LUZP2: variants seen among roughly 807,000 people sequenced by gnomAD.
LUZP2 encodes the protein leucine zipper protein 2.
In LUZP2, 52 loss-of-function variants were observed where a neutral mutation model predicts 51.6. The ratio of observed to expected loss-of-function variants is 1.01; its 90% CI spans 0.81 to 1.27. The LOEUF (loss-of-function observed/expected upper bound fraction) is 1.27. Among genes scored for constraint, LUZP2 ranks in the 50% most tolerant of loss-of-function variants. The pLI, the probability that LUZP2 is intolerant of heterozygous loss-of-function variation, is 0.00. For missense variants in LUZP2, 436 were observed against 395.4 expected (o/e 1.10, Z -0.87); for synonymous variants, 154 against 137.3 (o/e 1.12, Z -0.85).
intron 1 of LUZP2, among the ~76,000 whole-genome samples, chr11:24,584,839 C>T (rs533790855): frequency 2.5e-4 from 38 of 152,096 alleles, no homozygotes; most frequent in Non-Finnish European, 5.3e-4. Flanking sequence ...AATACTTGAT[C>T]CTAACTGGCC....
intron 1 of LUZP2, among the ~76,000 whole-genome samples, chr11:24,664,319 T>C (rs144459220): frequency 1.2e-4 from 19 of 152,198 alleles, no homozygotes; most frequent in African/African-American, 4.3e-4. Flanking sequence ...TAGGGTATCA[T>C]GTGTAAGAAA....
chr11:25,011,217 G>T (rs148436176), intron 9 of LUZP2, among the ~76,000 whole-genome samples: 1 of 152,254 alleles, frequency 6.6e-6, no homozygotes, highest in African/African-American at 2.4e-5. Flanking sequence ...GTTAATGAAT[G>T]AATGATCTGA....
chr11:24,869,274 C>T (rs1851985438), intron 5 of LUZP2, among the ~76,000 whole-genome samples: 3 of 151,966 alleles, frequency 2.0e-5, no homozygotes, highest in Admixed American at 6.6e-5. Flanking sequence ...GATACAGCCT[C>T]GTTTTATTGC....
At chr11:24,904,000 G>A (rs1565085112) in intron 5 of LUZP2, among the ~76,000 whole-genome samples, 1 of 152,008 alleles carries the variant, frequency 6.6e-6, no homozygotes, top group East Asian at 1.9e-4. Context: ...CCAGTAATGG[G>A]GTTGCTGGAT....
intron 1 of LUZP2, among the ~76,000 whole-genome samples, chr11:24,669,543 T>G (rs1856333336): frequency 6.6e-6 from 1 of 152,146 alleles, no homozygotes; most frequent in Admixed American, 6.6e-5. Flanking sequence ...TTTTCTATTT[T>G]TTTTTTCTTC....
intron 8 of LUZP2, among the ~76,000 whole-genome samples, chr11:24,981,619 C>A (rs1387504045): frequency 6.6e-6 from 1 of 151,850 alleles, no homozygotes; most frequent in Non-Finnish European, 1.5e-5. Context: ...TCAAACGCCC[C>A]TGACGCTGTT....
At chr11:25,016,315 C>A (rs1418691477) in intron 9 of LUZP2, among the ~76,000 whole-genome samples, 1 of 151,996 alleles carries the variant, frequency 6.6e-6, no homozygotes, top group Admixed American at 6.6e-5. Flanking sequence ...CAACCTTCCC[C>A]CTTCTGAGTC....
chr11:24,588,742 A>C (rs1403868597), intron 1 of LUZP2, among the ~76,000 whole-genome samples: 1 of 151,998 alleles, frequency 6.6e-6, no homozygotes, highest in Admixed American at 6.6e-5. Context: ...CTTAATAACA[A>C]TTTTACTTTT....
intron 4 of LUZP2, among the ~76,000 whole-genome samples, chr11:24,749,533 G>T (rs748449537): frequency 7.9e-5 from 12 of 152,118 alleles, no homozygotes; most frequent in Non-Finnish European, 1.8e-4. Context: ...CCTCAATGTA[G>T]GCGGCACCAT....
intron 5 of LUZP2, among the ~76,000 whole-genome samples, chr11:24,793,374 G>T (rs1849458462): frequency 2.6e-5 from 4 of 152,120 alleles, no homozygotes; most frequent in Non-Finnish European, 5.9e-5. Flanking sequence ...CACTCTATGG[G>T]TCTTTCCTTC....
chr11:24,794,649 A>T (rs1849501718), intron 5 of LUZP2, among the ~76,000 whole-genome samples: 1 of 152,154 alleles, frequency 6.6e-6, no homozygotes, highest in Non-Finnish European at 1.5e-5. Context: ...ATGATTTTGT[A>T]TGCCATAATT....
In LUZP2 at chr11:24,897,612, CA is replaced by C. The variant is rs1435520592; in HGVS notation, c.397-8378del. Among the ~76,000 whole-genome samples, 12 of 152,194 alleles carry C rather than the reference CA, an allele frequency of 7.9e-5. No individual in the cohort carries two copies. The East Asian group carries it at 2.3e-3, about 29-fold the overall frequency. On this transcript the variant is annotated intron_variant, in intron 5 of 11. Coordinates refer to ENST00000336930, the MANE Select transcript of LUZP2 (RefSeq NM_001009909.4). ...CCCACCAGAAGGAAGAAACTCTGACCATGTCCGAACATCAGAAGGAACAAAC... is the reference window on the plus strand; with the variant it reads ...CCCACCAGAAGGAAGAAACTCTGACCTGTCCGAACATCAGAAGGAACAAAC...
chr11:24,702,022 G>C (rs1857435138), intron 1 of LUZP2, among the ~76,000 whole-genome samples: 1 of 152,120 alleles, frequency 6.6e-6, no homozygotes, highest in African/African-American at 2.4e-5. Context: ...AGTCAGACTC[G>C]TGCACACTCT....
intron 5 of LUZP2, among the ~76,000 whole-genome samples, chr11:24,861,361 A>G (rs1356945936): frequency 1.3e-5 from 2 of 152,222 alleles, no homozygotes. Context: ...GAGAATGTAA[A>G]CAAGCTAGGA....
chr11:24,521,605 C>G (rs1319840515), intron 1 of LUZP2, among the ~76,000 whole-genome samples: 2 of 152,048 alleles, frequency 1.3e-5, no homozygotes, highest in African/African-American at 4.8e-5. Flanking sequence ...TTACTTTTCA[C>G]AGGGTAATGA....
chr11:24,927,867 G>A (rs1590742462), intron 7 of LUZP2, among the ~76,000 whole-genome samples: 1 of 152,174 alleles, frequency 6.6e-6, no homozygotes, highest in Non-Finnish European at 1.5e-5. Context: ...ACCCATCCAT[G>A]AGCATGGGAT....
In LUZP2 at chr11:24,611,672, T is replaced by C. The variant is rs1022150728; in HGVS notation, c.62+114367T>C. 6.6e-6 allele frequency among the ~76,000 whole-genome samples: 1 copy of C among 152,170 alleles called. No individual in the cohort carries two copies. The highest frequency in any genetic ancestry group is 1.5e-5 in the Non-Finnish European group (1 of 68,028). ...TCATCATCATCATCCCTGGCGTTTA[T>C]TGAGCCCTCCTTCAACACATGTCCT... On this transcript the variant is annotated intron_variant, in intron 1 of 11. Transcript: ENST00000336930. The surrounding 1 kb of genome is among the most constrained non-coding windows in gnomAD (Gnocchi z 4.6).
intron 1 of LUZP2, among the ~76,000 whole-genome samples, chr11:24,710,357 T>A (rs1456846643): frequency 1.3e-5 from 2 of 152,062 alleles, no homozygotes; most frequent in Non-Finnish European, 2.9e-5. Context: ...CCACTCAGCA[T>A]AAAAGGCTTG....
chr11:24,707,308 G>C (rs12288120), intron 1 of LUZP2, among the ~76,000 whole-genome samples: 1 of 130,180 alleles, frequency 7.7e-6, no homozygotes, highest in Non-Finnish European at 1.5e-5. Context: ...CTGTGTGTGC[G>C]TGTGTGTGTG....
Sources: gnomAD v4.1 joint callset for allele counts (sites outside exome capture counted in the v4.1 genomes callset) on GRCh38, gnomAD v4.1.1 for gene constraint, Gnocchi (gnomAD v3.1) non-coding constraint, MANE v1.5 for transcripts, NCBI Gene and HGNC (gene_info 2026-07-23, HGNC 2026-07-21) for gene names.